The following COP1 variants were observed in gnomAD, a reference collection of about 807,000 sequenced individuals.
COP1 encodes the protein COP1 E3 ubiquitin ligase.
A neutral mutation model predicts 101.3 loss-of-function variants in COP1; 24 were observed. The observed-to-expected ratio is 0.24, with a 90% CI of 0.17 to 0.33. The LOEUF (loss-of-function observed/expected upper bound fraction) is 0.33, where lower values mean the gene tolerates loss of function less well. Among genes scored for constraint, COP1 ranks in the 10% least tolerant of loss-of-function variants. COP1 has a pLI of 1.00. For synonymous variants in COP1, 347 were observed against 341.9 expected (o/e 1.01, Z -0.17); for missense variants, 663 against 906.2 (o/e 0.73, Z 3.45).
At chr1:175,952,223 A>G (rs1031021028) in intron 18 of COP1, among the ~76,000 whole-genome samples, 1 of 152,086 alleles carries the variant, frequency 6.6e-6, no homozygotes, top group African/African-American at 2.4e-5. Context: ...GGAGTTTGAG[A>G]GCAGCCTGGC....
chr1:175,948,255 A>G (rs1031289722), intron 18 of COP1, among the ~76,000 whole-genome samples: 12 of 152,232 alleles, frequency 7.9e-5, no homozygotes, highest in African/African-American at 2.9e-4. Flanking sequence ...GAATGGAGAC[A>G]TGCCTCCTGT....
chr1:176,138,603 A>G (rs1356671112), intron 6 of COP1, among the ~76,000 whole-genome samples: 1 of 152,188 alleles, frequency 6.6e-6, no homozygotes, highest in Non-Finnish European at 1.5e-5. Context: ...AAGTCTCTAA[A>G]GCCCCAGAGT....
At chr1:176,059,769 T>C (rs1278377094) in intron 11 of COP1, among the ~76,000 whole-genome samples, 2 of 152,088 alleles carry the variant, frequency 1.3e-5, no homozygotes, top group African/African-American at 2.4e-5. Context: ...GTGTGAGCCA[T>C]TGATATCTAT....
At chr1:175,970,377 G>T (rs576342610) in intron 18 of COP1, among the ~76,000 whole-genome samples, 37 of 152,296 alleles carry the variant, frequency 2.4e-4, no homozygotes, top group African/African-American at 8.4e-4. Context: ...AATGGGAATA[G>T]TATGGGACAA....
intron 14 of COP1, among the ~76,000 whole-genome samples, chr1:176,037,386 G>A (rs1669748677): frequency 6.8e-6 from 1 of 146,742 alleles, no homozygotes; most frequent in Admixed American, 6.9e-5. Flanking sequence ...CAGCCTGGGC[G>A]ACAGAGCAAG....
intron 15 of COP1, among the ~76,000 whole-genome samples, chr1:175,989,722 A>C (rs1306260718): frequency 6.6e-6 from 1 of 152,214 alleles, no homozygotes; most frequent in Non-Finnish European, 1.5e-5. Context: ...TCATGAAAAA[A>C]ATGTTAATAT....
rs1347497817 is a variant in COP1, at chr1:175,987,031, G to A, written c.2045C>T (p.Thr682Ile). The change falls in exon 18 of 20, where the codon ACA becomes ATA. Residue 682 changes from threonine (T) to isoleucine (I), a missense_variant. Coordinates refer to ENST00000367669, the MANE Select transcript of COP1 (RefSeq NM_022457.7). ...SKTLLTFKFD[T>I]VKSVLDKDRK... The stretch of plus-strand genomic sequence containing the variant: ...GTCTTTGTCGAGAACACTTTTGACT[G>A]TATCAAACTTAAAAGTTAGCAAAGT... 6.2e-7 allele frequency: 1 copy of A among 1,607,064 alleles called. No individual in the cohort carries two copies. The highest frequency in any genetic ancestry group is 2.2e-5 in the East Asian group (1 of 44,766).
chr1:176,200,808 G>A (rs758131913), intron 1 of COP1, among the ~76,000 whole-genome samples: 1 of 152,140 alleles, frequency 6.6e-6, no homozygotes, highest in Non-Finnish European at 1.5e-5. Flanking sequence ...AAGTAAGGTG[G>A]AGGGCAAAGA....
At chr1:175,970,644 T>C (rs2148602940) in intron 18 of COP1, among the ~76,000 whole-genome samples, 1 of 152,318 alleles carries the variant, frequency 6.6e-6, no homozygotes, top group African/African-American at 2.4e-5. Flanking sequence ...TGAGTATTTT[T>C]TTCTATTGTA....
chr1:176,170,381 G>A (rs889781787), intron 3 of COP1, among the ~76,000 whole-genome samples: 1 of 152,152 alleles, frequency 6.6e-6, no homozygotes, highest in Non-Finnish European at 1.5e-5. Context: ...TCAATAATAA[G>A]ACCTGAAAGT....
chr1:176,065,856 C>T (rs1675864482), intron 11 of COP1, among the ~76,000 whole-genome samples: 1 of 151,880 alleles, frequency 6.6e-6, no homozygotes, highest in African/African-American at 2.4e-5. Flanking sequence ...TACAGGTGCG[C>T]ACCACCATGC....
intron 5 of COP1, among the ~76,000 whole-genome samples, chr1:176,154,825 C>T (rs781194932): frequency 3.3e-5 from 5 of 151,936 alleles, no homozygotes; most frequent in African/African-American, 4.8e-5. Context: ...TGAAACTAGA[C>T]GATGACGGTA....
intron 18 of COP1, among the ~76,000 whole-genome samples, chr1:175,980,855 T>C (rs1655674139): frequency 6.6e-6 from 1 of 152,144 alleles, no homozygotes; most frequent in African/African-American, 2.4e-5. Context: ...AATAATAGGG[T>C]ATCTGCAGCC....
At chr1:176,048,450 C>T (rs1381273768) in intron 11 of COP1, among the ~76,000 whole-genome samples, 2 of 152,128 alleles carry the variant, frequency 1.3e-5, no homozygotes, top group East Asian at 3.9e-4. Flanking sequence ...TTTATTTGTA[C>T]AACCTCAATT....
chr1:176,043,924 C>CT (rs1368186452), intron 12 of COP1, 106 bp from the exon 13 acceptor site: 4 of 699,632 alleles, frequency 5.7e-6, no homozygotes, highest in African/African-American at 1.8e-5. Flanking sequence ...AAAATGGTCT[C>CT]TATCAGTTCA....
At chr1:175,955,230 G>A (rs1650472452) in intron 18 of COP1, among the ~76,000 whole-genome samples, 1 of 152,036 alleles carries the variant, frequency 6.6e-6, no homozygotes, top group Non-Finnish European at 1.5e-5. Context: ...TGACAGGAGT[G>A]AGACCCTGCC....
intron 9 of COP1, among the ~76,000 whole-genome samples, chr1:176,099,652 C>G (rs1238479399): frequency 6.6e-6 from 1 of 152,090 alleles, no homozygotes; most frequent in African/African-American, 2.4e-5. Context: ...CTGGATGCAA[C>G]TGGAGAAATG....
At chr1:176,180,339 C>T (rs12125328) in intron 2 of COP1, among the ~76,000 whole-genome samples, 10,332 of 152,112 alleles carry the variant, frequency 0.068, 454 homozygotes, top group Admixed American at 0.088. Flanking sequence ...TATTTCTTAC[C>T]CCAGTAACTC....
At chr1:175,993,682 G>A (rs1427851624) in intron 15 of COP1, among the ~76,000 whole-genome samples, 1 of 152,124 alleles carries the variant, frequency 6.6e-6, no homozygotes, top group Non-Finnish European at 1.5e-5. Flanking sequence ...AGCGAGAAGG[G>A]AAGTTTAGAG....
Sources: gnomAD v4.1 joint callset for allele counts (sites outside exome capture counted in the v4.1 genomes callset) on GRCh38, gnomAD v4.1.1 for gene constraint, MANE v1.5 for transcripts, NCBI Gene and HGNC (gene_info 2026-07-23, HGNC 2026-07-21) for gene names.